The following CERT1 variants were observed in gnomAD, a reference collection of about 807,000 sequenced individuals.
CERT1 encodes the protein ceramide transporter 1.
CERT1 carries 31 observed loss-of-function variants against 87.9 expected under a neutral mutation model. The ratio of observed to expected loss-of-function variants is 0.35; its 90% confidence interval spans 0.27 to 0.48. The LOEUF is 0.48. CERT1 is among the 20% of genes least tolerant of loss of function. The pLI is 0.99. For synonymous variants in CERT1, 289 were observed against 250.9 expected (o/e 1.15, Z -1.44); for missense variants, 487 against 758.0 (o/e 0.64, Z 4.20).
chr5:75,408,493 G>A (rs7708473), intron 8 of CERT1, among the ~76,000 whole-genome samples: 2,237 of 152,138 alleles, frequency 0.015, 49 homozygotes, highest in African/African-American at 0.05. Flanking sequence ...ATAGCAGCCC[G>A]AACCTCAGTT....
At chr5:75,369,918 A>G (rs1761024747) in intron 17 of CERT1, 1 of 152,240 alleles carries the variant, frequency 6.6e-6, no homozygotes, top group Non-Finnish European at 1.5e-5. Context: ...AAAGGTAGAC[A>G]ATATAAATGA....
rs143494204 is a variant in CERT1, at chr5:75,422,296, C to A, written c.596-2872G>T. Among the ~76,000 whole-genome samples the A allele has an allele frequency of 2.1e-3, 325 of 152,246 alleles. 1 individual carries two copies. The East Asian group carries it at 0.027, about 13-fold the overall frequency. On this transcript the variant is annotated intron_variant, in intron 5 of 16. Coordinates refer to ENST00000643780, the MANE Select transcript of CERT1 (RefSeq NM_001379029.1). The stretch of plus-strand genomic sequence containing the variant: ...CTCTCAAACTACCCCTTTACCATAA[C>A]CTTCCACCTCCAAAACAGACACAAA...
intron 3 of CERT1, among the ~76,000 whole-genome samples, chr5:75,457,967 GTGTGTGTGTGTGTGGTA>G (rs959772248): frequency 9.3e-5 from 14 of 149,772 alleles, no homozygotes; most frequent in African/African-American, 2.8e-4. Context: ...AAATGTGTGT[GTGTGTGTGTGTGTGGTA>G]TGTGTGTGTG....
At chr5:75,374,772 C>T (rs1347889124), downstream of CERT1, 5 of 547,876 alleles carry the variant, frequency 9.1e-6, no homozygotes, top group South Asian at 2.8e-5. Context: ...TTTAGACCTG[C>T]GGGTGCTGCC....
Position 75,502,789 on chromosome 5 carries a change from T to C in CERT1, c.231+3193A>G, listed in dbSNP as rs140528137. Among the ~76,000 whole-genome samples the C allele has an allele frequency of 9.1e-3, 1,392 of 152,228 alleles. 19 individuals carry two copies. Among genetic ancestry groups the C allele is most frequent in the African/African-American group, 0.032 (1,314 of 41,568 alleles). ...AAAATAGAATATAAAAAGTAAACAG[T>C]GTAAATATTCCATAAACATTTGCTT... is the stretch of plus-strand genomic sequence containing the variant. On this transcript the variant is annotated intron_variant, in intron 2 of 16. Coordinates refer to ENST00000643780, the MANE Select transcript of CERT1 (RefSeq NM_001379029.1).
At chr5:75,369,854 TG>T (rs1761022177) in intron 17 of CERT1, 1 of 152,248 alleles carries the variant, frequency 6.6e-6, no homozygotes, top group African/African-American at 2.4e-5. Flanking sequence ...ATGGTATTTG[TG>T]CAAGGCTATT....
chr5:75,397,690 T>A (rs893376144), intron 11 of CERT1, among the ~76,000 whole-genome samples: 4 of 152,216 alleles, frequency 2.6e-5, no homozygotes, highest in Admixed American at 1.3e-4. Context: ...TATGTAGTTT[T>A]GTCACAGATT....
intron 2 of CERT1, among the ~76,000 whole-genome samples, chr5:75,499,169 G>A (rs926563687): frequency 6.6e-6 from 1 of 152,242 alleles, no homozygotes; most frequent in Admixed American, 6.5e-5. Context: ...GTTCACAGGT[G>A]GAGGGGACTT....
At chr5:75,506,242 A>C (rs989408179) in intron 1 of CERT1, 126 bp from the exon 2 acceptor site, 1 of 731,020 alleles carries the variant, frequency 1.4e-6, no homozygotes, top group African/African-American at 1.8e-5. Context: ...CTTAATTCTA[A>C]GCATAAACAG....
At chr5:75,391,771 T>C (rs924579724) in intron 11 of CERT1, among the ~76,000 whole-genome samples, 5 of 152,218 alleles carry the variant, frequency 3.3e-5, no homozygotes, top group Admixed American at 3.3e-4. Context: ...ATGTTTACTC[T>C]TCAGATCCCA....
intron 4 of CERT1, among the ~76,000 whole-genome samples, 156 bp downstream of exon 4, chr5:75,426,215 T>C (rs1580753167): frequency 6.6e-6 from 1 of 152,240 alleles, no homozygotes; most frequent in African/African-American, 2.4e-5. Flanking sequence ...ATATGAGTTA[T>C]TATTTTATAC....
chr5:75,497,220 C>T (rs912639502), intron 2 of CERT1, among the ~76,000 whole-genome samples: 33 of 152,248 alleles, frequency 2.2e-4, no homozygotes, highest in African/African-American at 7.9e-4. Context: ...CTTTGTCCCC[C>T]TTTGATAAAA....
At chr5:75,382,771 T>C (rs1403708616) in intron 14 of CERT1, among the ~76,000 whole-genome samples, 5 of 151,880 alleles carry the variant, frequency 3.3e-5, no homozygotes, top group Non-Finnish European at 4.4e-5. Context: ...GAGTAATAAA[T>C]AGCATACAAT....
At chr5:75,425,867 T>G (rs916181141) in intron 4 of CERT1, among the ~76,000 whole-genome samples, 3 of 152,248 alleles carry the variant, frequency 2.0e-5, no homozygotes, top group Admixed American at 6.5e-5. Context: ...GGAAAAAATA[T>G]TACTTGTGTC....
chr5:75,511,782 G>T (rs778072737), upstream of CERT1: 18 of 1,551,406 alleles, frequency 1.2e-5, no homozygotes, highest in Non-Finnish European at 1.3e-5. Context: ...GGGTGACGAC[G>T]GGTAGAAAAG....
At chr5:75,502,729 C>T (rs1175615171) in intron 2 of CERT1, among the ~76,000 whole-genome samples, 5 of 151,980 alleles carry the variant, frequency 3.3e-5, no homozygotes, top group Non-Finnish European at 5.9e-5. Flanking sequence ...TTTAATGCCA[C>T]AAATTATATT....
At chr5:75,423,873 T>C (rs1341272203) in intron 5 of CERT1, among the ~76,000 whole-genome samples, 1 of 151,920 alleles carries the variant, frequency 6.6e-6, no homozygotes, top group South Asian at 2.1e-4. Flanking sequence ...TATATATATA[T>C]GAAAAAAATT....
intron 9 of CERT1, chr5:75,401,452 G>A (rs959570355): frequency 6.6e-6 from 1 of 152,100 alleles, no homozygotes. Flanking sequence ...GTTAGTTAGA[G>A]GTAAAACTAA....
At chr5:75,463,546 G>C (rs752480576) in intron 2 of CERT1, among the ~76,000 whole-genome samples, 21 of 152,202 alleles carry the variant, frequency 1.4e-4, no homozygotes, top group Non-Finnish European at 2.8e-4. Flanking sequence ...TAACCTTATA[G>C]GAACAAAAGA....
Sources: gnomAD v4.1 joint callset for allele counts (sites outside exome capture counted in the v4.1 genomes callset) on GRCh38, gnomAD v4.1.1 for gene constraint, MANE v1.5 for transcripts, NCBI Gene and HGNC (gene_info 2026-07-23, HGNC 2026-07-21) for gene names.